The following BCL2 variants were observed in gnomAD, a reference collection of about 807,000 sequenced individuals.
BCL2 encodes the protein apoptosis regulator Bcl-2.
In BCL2, 1 loss-of-function variant was observed where a neutral mutation model predicts 14.2. The observed-to-expected ratio is 0.07, with a 90% CI of 0.02 to 0.33. The LOEUF is 0.33. Ranked by LOEUF, BCL2 falls within the 10% of genes least tolerant of loss-of-function variation. The pLI is 0.99. For missense variants in BCL2, 247 were observed against 305.9 expected (o/e 0.81, Z 1.44); for synonymous variants, 151 against 137.2 (o/e 1.10, Z -0.70).
chr18:63,155,722 G>A (rs1286659394), intron 2 of BCL2, among the ~76,000 whole-genome samples: 1 of 152,378 alleles, frequency 6.6e-6, no homozygotes, highest in Middle Eastern at 3.4e-3. Flanking sequence ...GCGGGGAAGA[G>A]AGAGGGAGGG....
intron 2 of BCL2, among the ~76,000 whole-genome samples, chr18:63,259,002 G>T (rs539661168): frequency 6.6e-6 from 1 of 152,352 alleles, no homozygotes; most frequent in Admixed American, 6.5e-5. Context: ...TCACAATAGA[G>T]CTTCACCACA....
intron 2 of BCL2, among the ~76,000 whole-genome samples, chr18:63,169,269 T>C (rs1194178118): frequency 0.048 from 3,028 of 62,722 alleles, 432 homozygotes; most frequent in East Asian, 0.14. Context: ...TCTTTCTTTC[T>C]TTCTTTCTTT....
At chr18:63,200,820 G>A (rs1031074123) in intron 2 of BCL2, among the ~76,000 whole-genome samples, 2 of 151,986 alleles carry the variant, frequency 1.3e-5, no homozygotes, top group South Asian at 2.1e-4. Context: ...ATGGGGTCTC[G>A]CTAGGTTGCC....
chr18:63,168,140 T>C (rs868441213), intron 2 of BCL2, among the ~76,000 whole-genome samples: 4 of 152,172 alleles, frequency 2.6e-5, no homozygotes, highest in African/African-American at 4.8e-5. Flanking sequence ...GAGGGGCCTA[T>C]TGGAGAATGT....
At chr18:63,199,110 C>T (rs1909602116) in intron 2 of BCL2, among the ~76,000 whole-genome samples, 1 of 151,510 alleles carries the variant, frequency 6.6e-6, no homozygotes, top group Admixed American at 6.6e-5. Flanking sequence ...ACACACAACA[C>T]ACACACAGAC....
intron 2 of BCL2, among the ~76,000 whole-genome samples, chr18:63,168,374 T>C (rs1915096355): frequency 6.6e-6 from 1 of 152,134 alleles, no homozygotes; most frequent in South Asian, 2.1e-4. Context: ...TACAAAACAA[T>C]TAAAAATGTC....
At chr18:63,234,590 C>A (rs927824419) in intron 2 of BCL2, among the ~76,000 whole-genome samples, 2 of 152,174 alleles carry the variant, frequency 1.3e-5, no homozygotes, top group African/African-American at 4.8e-5. Context: ...CTGAGTGACT[C>A]TGAGCAAATC....
intron 2 of BCL2, among the ~76,000 whole-genome samples, chr18:63,213,051 C>G (rs1329464647): frequency 6.6e-6 from 1 of 152,182 alleles, no homozygotes; most frequent in Non-Finnish European, 1.5e-5. Flanking sequence ...CCAGAGGTGA[C>G]CCAAATTCTT....
chr18:63,318,353 G>A lies in BCL2; in HGVS notation c.314C>T (p.Ser105Phe), dbSNP rs762635201. The change falls in exon 2 of 3, where the codon TCC becomes TTC. Residue 105 changes from serine to phenylalanine, a missense_variant. Ser to Phe is a radical substitution (Grantham distance 155). Around this residue, in one of 3 missense-constraint regions of BCL2, gnomAD observed 67 missense variants for 145.7 expected, o/e 0.46. Coordinates refer to ENST00000333681, the MANE Select transcript of BCL2 (RefSeq NM_000633.3). The surrounding 1 kb of genome is among the most constrained non-coding windows in gnomAD (Gnocchi z 7.4). ...LTLRQAGDDF[S>F]RRYRRDFAEM... ...GGCGAAGTCGCGGCGGTAGCGGCGG[G>A]AGAAGTCGTCGCCGGCCTGGCGGAG... is the stretch of plus-strand genomic sequence containing the variant. 7 of 1,609,992 alleles carry A rather than the reference G, an allele frequency of 4.3e-6. No individual in the cohort carries two copies. The highest frequency in any genetic ancestry group is 2.2e-5 in the South Asian group (2 of 90,670).
At chr18:63,177,927 C>G (rs1342703251) in intron 2 of BCL2, among the ~76,000 whole-genome samples, 1 of 152,098 alleles carries the variant, frequency 6.6e-6, no homozygotes, top group Non-Finnish European at 1.5e-5. Flanking sequence ...CCCTCCTCCC[C>G]ATAAGAGCCC....
At chr18:63,291,621 A>C (rs1387014459) in intron 2 of BCL2, among the ~76,000 whole-genome samples, 2 of 152,248 alleles carry the variant, frequency 1.3e-5, no homozygotes, top group African/African-American at 4.8e-5. Context: ...TCGGGAACAC[A>C]TGAAAGAGTA....
chr18:63,211,628 C>T (rs752904779), intron 2 of BCL2, among the ~76,000 whole-genome samples: 9 of 152,164 alleles, frequency 5.9e-5, no homozygotes, highest in Non-Finnish European at 8.8e-5. Context: ...GCTCTGGCTT[C>T]GATTTAGTCC....
chr18:63,218,760 C>CCAT (rs111996677), intron 2 of BCL2, among the ~76,000 whole-genome samples: 117 of 6,424 alleles, frequency 0.018, no homozygotes, highest in Non-Finnish European at 0.027. Flanking sequence ...CCACTCATCC[C>CCAT]CCTCTACTCA....
intron 2 of BCL2, among the ~76,000 whole-genome samples, chr18:63,245,137 C>T (rs1911118203): frequency 6.6e-6 from 1 of 152,134 alleles, no homozygotes. Context: ...GCCAAACGCT[C>T]CATATATATA....
intron 2 of BCL2, among the ~76,000 whole-genome samples, chr18:63,136,572 G>C (rs1914215754): frequency 6.6e-6 from 1 of 152,192 alleles, no homozygotes; most frequent in African/African-American, 2.4e-5. Context: ...AAGGGGAGCA[G>C]GGAAGGGAGA....
intron 2 of BCL2, chr18:63,302,783 T>G: frequency 1.0e-6 from 1 of 985,426 alleles, no homozygotes; most frequent in Non-Finnish European, 1.2e-6. Flanking sequence ...TAAGTTTCTT[T>G]TAAGAAAGTA....
intron 2 of BCL2, among the ~76,000 whole-genome samples, chr18:63,213,461 A>C (rs1374538944): frequency 5.9e-5 from 9 of 152,004 alleles, no homozygotes; most frequent in Non-Finnish European, 1.2e-4. Flanking sequence ...AGGAAGAAAA[A>C]AAGCAGTTCT....
At chr18:63,186,065 G>A (rs1915587540) in intron 2 of BCL2, among the ~76,000 whole-genome samples, 1 of 152,210 alleles carries the variant, frequency 6.6e-6, no homozygotes, top group African/African-American at 2.4e-5. Flanking sequence ...AGACAGTGAT[G>A]TGCACAGACT....
intron 2 of BCL2, among the ~76,000 whole-genome samples, chr18:63,284,906 C>T (rs185061545): frequency 9.2e-5 from 14 of 152,216 alleles, no homozygotes; most frequent in African/African-American, 3.4e-4. Flanking sequence ...CTGGAAGGCT[C>T]CAGGGGCTGG....
Sources: gnomAD v4.1 joint callset for allele counts (sites outside exome capture counted in the v4.1 genomes callset) on GRCh38, gnomAD v4.1.1 for gene constraint, gnomAD v4.1.1 regional missense constraint, Gnocchi (gnomAD v3.1) non-coding constraint, MANE v1.5 for transcripts, NCBI Gene and HGNC (gene_info 2026-07-23, HGNC 2026-07-21) for gene names.